Variants in LARP4B observed in about 807,000 individuals in gnomAD.
LARP4B encodes the protein La ribonucleoprotein 4B, also known as la-related protein 4B.
A neutral mutation model predicts 89.8 loss-of-function variants in LARP4B; 12 were observed. The observed-to-expected ratio is 0.13, with a 90% CI of 0.09 to 0.22. LARP4B has a LOEUF of 0.22. Among genes scored for constraint, LARP4B ranks in the 10% least tolerant of loss-of-function variants. The pLI is 1.00. For missense variants in LARP4B, 757 were observed against 947.7 expected (o/e 0.80, Z 2.64); for synonymous variants, 367 against 363.3 (o/e 1.01, Z -0.12).
chr10:824,996 C>G lies in LARP4B; in HGVS notation c.1484+69G>C, dbSNP rs1032202268. 10 of 1,403,534 alleles carry G rather than the reference C, an allele frequency of 7.1e-6. No homozygotes were observed. In the South Asian group the frequency reaches 1.5e-4, roughly 21 times the overall value. 86.9% of individuals were successfully genotyped at this position (1,403,534 alleles called of 1,614,324 possible). Reference sequence around the variant, plus strand: ...GACATATTTAAAGACAATTACAAAACATATCTAAATTAAATAATTTTTAAA... The same window carrying G: ...GACATATTTAAAGACAATTACAAAAGATATCTAAATTAAATAATTTTTAAA... On this transcript the variant is annotated intron_variant, in intron 13 of 17. Transcript: ENST00000316157.
chr10:892,685 G>A (rs12261911), intron 1 of LARP4B, among the ~76,000 whole-genome samples: 23,075 of 151,462 alleles, frequency 0.15, 1,906 homozygotes, highest in Non-Finnish European at 0.19. Context: ...GACTACAGGC[G>A]CCGGCCACCA....
chr10:847,159 G>C (rs933945549), intron 5 of LARP4B, among the ~76,000 whole-genome samples: 1 of 152,152 alleles, frequency 6.6e-6, no homozygotes, highest in African/African-American at 2.4e-5. Flanking sequence ...GCAGACAGCT[G>C]AAGTGTTCTA....
the LARP4B span, among the ~76,000 whole-genome samples, chr10:953,784 G>T: frequency 1.3e-5 from 2 of 152,264 alleles, no homozygotes; most frequent in South Asian, 2.1e-4. Context: ...GACGCCGGTT[G>T]TAAGGCTTCT....
the LARP4B span, among the ~76,000 whole-genome samples, chr10:965,461 C>T: frequency 1.3e-5 from 2 of 152,032 alleles, no homozygotes; most frequent in Non-Finnish European, 2.9e-5. Context: ...TTACACAATT[C>T]GAAGGCGATC....
At chr10:898,390 A>C (rs191119703) in intron 1 of LARP4B, among the ~76,000 whole-genome samples, 2 of 152,352 alleles carry the variant, frequency 1.3e-5, no homozygotes, top group Admixed American at 1.3e-4. Flanking sequence ...TCCTAGGGAT[A>C]TATCCCAGAT....
intron 1 of LARP4B, among the ~76,000 whole-genome samples, chr10:897,987 CAAAA>C (rs58452748): frequency 1.6e-4 from 4 of 25,626 alleles, no homozygotes; most frequent in African/African-American, 7.1e-4. Flanking sequence ...GGCTCCATCT[CAAAA>C]AAAAAAAAAA....
chr10:859,275 T>C (rs200859521), intron 5 of LARP4B, among the ~76,000 whole-genome samples: 1 of 19,728 alleles, frequency 5.1e-5, no homozygotes, highest in African/African-American at 1.2e-4. Context: ...TTATTCCATT[T>C]CAAAAAAAAA....
the LARP4B span, among the ~76,000 whole-genome samples, chr10:948,752 G>A: frequency 2.0e-5 from 3 of 152,316 alleles, no homozygotes; most frequent in African/African-American, 7.2e-5. Context: ...GAATCTCATG[G>A]TGTACCACCT....
At chr10:932,019 G>A (rs951150118), upstream of LARP4B, among the ~76,000 whole-genome samples, 1 of 147,922 alleles carries the variant, frequency 6.8e-6, no homozygotes, top group African/African-American at 2.5e-5. Flanking sequence ...CGCGACCGGA[G>A]CGCCTGACGC....
chr10:945,585 G>A, the LARP4B span, among the ~76,000 whole-genome samples: 1 of 152,050 alleles, frequency 6.6e-6, no homozygotes, highest in African/African-American at 2.4e-5. Context: ...CTACTCGGGA[G>A]GCTGGGGCAG....
At chr10:962,021 G>T in the LARP4B span, among the ~76,000 whole-genome samples, 5 of 152,088 alleles carry the variant, frequency 3.3e-5, no homozygotes, top group Admixed American at 2.6e-4. Context: ...GGCCGGACAT[G>T]GTGGCTCACA....
At chr10:881,436 C>A (rs955053923) in intron 3 of LARP4B, among the ~76,000 whole-genome samples, 5 of 152,172 alleles carry the variant, frequency 3.3e-5, no homozygotes, top group African/African-American at 1.2e-4. Flanking sequence ...CGCTTTGTTA[C>A]CTTACTACAC....
At chr10:909,138 C>CA (rs1836588768) in intron 1 of LARP4B, among the ~76,000 whole-genome samples, 2 of 151,974 alleles carry the variant, frequency 1.3e-5, no homozygotes, top group South Asian at 4.2e-4. Flanking sequence ...ACTAACAATA[C>CA]AAAAAATTAG....
chr10:917,858 T>C (rs1205811502), intron 1 of LARP4B, among the ~76,000 whole-genome samples: 1 of 152,218 alleles, frequency 6.6e-6, no homozygotes, highest in Non-Finnish European at 1.5e-5. Flanking sequence ...CCAAGTATAA[T>C]ACTAAAACTT....
chr10:922,498 G>A (rs116960196), intron 1 of LARP4B, among the ~76,000 whole-genome samples: 3,503 of 152,148 alleles, frequency 0.023, 58 homozygotes, highest in Admixed American at 0.045. Flanking sequence ...AGGATCACTT[G>A]AGGCCAGGAG....
chr10:867,950 G>A (rs569098594), intron 3 of LARP4B, among the ~76,000 whole-genome samples: 1 of 150,066 alleles, frequency 6.7e-6, no homozygotes, highest in East Asian at 2.0e-4. Context: ...GCTAAGCAAT[G>A]GTTATTAAAA....
At position 905,603 on chromosome 10, in the gene LARP4B, CCT is replaced by C. The variant is rs540553653; in HGVS notation, c.-39-19845_-39-19844del. Among the ~76,000 whole-genome samples the C allele has an allele frequency of 9.2e-4, 140 of 152,182 alleles. 1 individual carries two copies. Among genetic ancestry groups the C allele is most frequent in the Non-Finnish European group, 1.2e-3 (85 of 68,004 alleles). On this transcript the variant is annotated intron_variant, in intron 1 of 17. Transcript: ENST00000316157. Reference sequence around the variant, plus strand: ...TTTTTTCCATTATGTTCAATCCTTCCCTGTCACTGTTTCAACAGCTTATTCTG... The same window carrying C: ...TTTTTTCCATTATGTTCAATCCTTCCGTCACTGTTTCAACAGCTTATTCTG...
At chr10:866,968 G>C (rs575363453) in intron 3 of LARP4B, among the ~76,000 whole-genome samples, 2 of 152,328 alleles carry the variant, frequency 1.3e-5, no homozygotes, top group African/African-American at 4.8e-5. Context: ...AGCCAGCACA[G>C]TCCTGAATTC....
At chr10:935,504 T>C (rs1830737409), upstream of LARP4B, among the ~76,000 whole-genome samples, 1 of 152,200 alleles carries the variant, frequency 6.6e-6, no homozygotes. Context: ...AGCACTTGTT[T>C]GTAGCTCTGT....
Sources: allele counts gnomAD v4.1 joint callset (sites outside exome capture counted in the v4.1 genomes callset), GRCh38; gene constraint gnomAD v4.1.1; transcripts MANE v1.5; gene names NCBI Gene and HGNC (gene_info 2026-07-23, HGNC 2026-07-21).